The following L3MBTL4 variants were observed in gnomAD, a reference collection of about 807,000 sequenced individuals.
L3MBTL4 encodes lethal(3)malignant brain tumor-like protein 4.
Under a neutral mutation model 84.5 loss-of-function variants are expected in L3MBTL4, and 70 were observed. The observed-to-expected ratio is 0.83, with a 90% confidence interval of 0.68 to 1.01. The LOEUF is 1.01. Ranked by LOEUF, L3MBTL4 falls within the 50% of genes least tolerant of loss-of-function variation. The pLI is 0.00. For synonymous variants in L3MBTL4, 274 were observed against 259.8 expected, an observed-to-expected ratio of 1.05 and a Z score of -0.52; for missense variants, 715 against 754.8, an observed-to-expected ratio of 0.95 and a Z score of 0.62.
chr18:6,204,780 A>G (rs140929740), intron 12 of L3MBTL4, among the ~76,000 whole-genome samples: 68 of 152,294 alleles, frequency 4.5e-4, no homozygotes, highest in African/African-American at 1.6e-3. Context: ...GCCCTGCACT[A>G]TTACACTGAA....
At chr18:6,051,155 C>A (rs1727013980) in intron 16 of L3MBTL4, among the ~76,000 whole-genome samples, 1 of 152,154 alleles carries the variant, frequency 6.6e-6, no homozygotes, top group African/African-American at 2.4e-5. Context: ...GGTTGCCAGT[C>A]CAGAAGGATC....
At chr18:6,062,950 C>A (rs1304563628) in intron 16 of L3MBTL4, among the ~76,000 whole-genome samples, 1 of 151,652 alleles carries the variant, frequency 6.6e-6, no homozygotes, top group Admixed American at 6.6e-5. Flanking sequence ...GTAAACTGTA[C>A]CTAATATGCA....
chr18:6,295,340 C>CTATATA lies in L3MBTL4; in HGVS notation c.127+6562_127+6563insTATATA, dbSNP rs1477775190. On this transcript the variant is annotated intron_variant, in intron 4 of 18. Transcript: ENST00000317931. ...TCTCTCTCTCTCTCTCTCTCTCTCTCTCTCTCTATATATATATATATATAT... is the reference window on the plus strand; with the variant it reads ...TCTCTCTCTCTCTCTCTCTCTCTCTCTATATATCTCTCTATATATATATATATATAT... 1.1e-4 allele frequency among the ~76,000 whole-genome samples: 13 copies of CTATATA among 122,704 alleles called. No individual in the cohort carries two copies. In the East Asian group the frequency reaches 1.1e-3, roughly 11 times the overall value. 80.5% of individuals were successfully genotyped at this position (122,704 alleles called of 152,430 possible).
intron 16 of L3MBTL4, among the ~76,000 whole-genome samples, chr18:6,077,536 T>C (rs1449845112): frequency 6.6e-6 from 1 of 152,150 alleles, no homozygotes; most frequent in Admixed American, 6.5e-5. Flanking sequence ...ATGCCAAGCA[T>C]ACATATGGTG....
intron 4 of L3MBTL4, among the ~76,000 whole-genome samples, chr18:6,292,151 C>A (rs935854804): frequency 1.3e-5 from 2 of 152,126 alleles, no homozygotes; most frequent in African/African-American, 4.8e-5. Context: ...TAGCATGCAT[C>A]AATTAAAAAT....
chr18:6,165,349 C>T (rs1382356485), intron 13 of L3MBTL4, among the ~76,000 whole-genome samples: 5 of 151,968 alleles, frequency 3.3e-5, no homozygotes, highest in Non-Finnish European at 5.9e-5. Flanking sequence ...AGATACTCCT[C>T]GAGAAGAGCA....
intron 16 of L3MBTL4, chr18:6,030,498 ACT>A: frequency 1.1e-6 from 1 of 949,158 alleles, no homozygotes; most frequent in African/African-American, 1.9e-5. Context: ...TAATGAAGAG[ACT>A]CTTTTTTTTT....
intron 1 of L3MBTL4, among the ~76,000 whole-genome samples, chr18:6,322,003 A>C (rs553368826): frequency 6.6e-6 from 1 of 152,278 alleles, no homozygotes; most frequent in Non-Finnish European, 1.5e-5. Context: ...ACCACTATAC[A>C]ATTTATCCAG....
chr18:6,091,428 T>G (rs1458421918), intron 15 of L3MBTL4, among the ~76,000 whole-genome samples: 1 of 152,216 alleles, frequency 6.6e-6, no homozygotes, highest in African/African-American at 2.4e-5. Flanking sequence ...GGCTTGAGGA[T>G]TCATGATGTG....
At chr18:6,315,695 G>A (rs1006448011) in intron 1 of L3MBTL4, among the ~76,000 whole-genome samples, 1 of 152,124 alleles carries the variant, frequency 6.6e-6, no homozygotes, top group African/African-American at 2.4e-5. Context: ...CAGTACGCTA[G>A]CCAAATCCTT....
At chr18:6,325,285 C>G (rs575720344) in intron 1 of L3MBTL4, among the ~76,000 whole-genome samples, 1 of 152,084 alleles carries the variant, frequency 6.6e-6, no homozygotes, top group Non-Finnish European at 1.5e-5. Flanking sequence ...AAATCAACTG[C>G]GACTACATAT....
intron 13 of L3MBTL4, among the ~76,000 whole-genome samples, chr18:6,148,175 T>C (rs1273547142): frequency 1.3e-5 from 2 of 152,130 alleles, no homozygotes; most frequent in Admixed American, 6.5e-5. Context: ...GAAGAGAAAA[T>C]TGTAGATTCA....
chr18:6,286,112 G>A lies in L3MBTL4; in HGVS notation c.127+15791C>T, dbSNP rs367696606. On this transcript the variant is annotated intron_variant, in intron 4 of 18. Transcript: ENST00000317931. ...CCCAAAGTGCTGGGATTAAAGGCGTGAGCCACCATGCCCGGCCTGAACTTT... is the reference window on the plus strand; with the variant it reads ...CCCAAAGTGCTGGGATTAAAGGCGTAAGCCACCATGCCCGGCCTGAACTTT... Among the ~76,000 whole-genome samples, 193 of 151,818 alleles carry A rather than the reference G, an allele frequency of 1.3e-3. 1 individual carries two copies. The South Asian group carries it at 0.015, about 12-fold the overall frequency.
chr18:6,362,668 A>C (rs931797320), intron 1 of L3MBTL4, among the ~76,000 whole-genome samples: 6 of 152,238 alleles, frequency 3.9e-5, no homozygotes, highest in African/African-American at 1.4e-4. Flanking sequence ...TCTGACTTTA[A>C]AATGTGCACT....
At chr18:6,215,031 A>G (rs1462849747) in intron 11 of L3MBTL4, among the ~76,000 whole-genome samples, 1 of 152,156 alleles carries the variant, frequency 6.6e-6, no homozygotes, top group Non-Finnish European at 1.5e-5. Context: ...ATGAAATATC[A>G]TTTTGTTTCA....
intron 1 of L3MBTL4, among the ~76,000 whole-genome samples, chr18:6,361,630 C>T (rs1400491118): frequency 6.6e-6 from 1 of 152,124 alleles, no homozygotes; most frequent in Non-Finnish European, 1.5e-5. Flanking sequence ...AACCAGACTG[C>T]AGTGGGAAAG....
At chr18:6,310,666 T>C (rs935090339) in intron 3 of L3MBTL4, among the ~76,000 whole-genome samples, 15 of 152,176 alleles carry the variant, frequency 9.9e-5, no homozygotes, top group African/African-American at 3.6e-4. Context: ...GGGTCACAGA[T>C]GAGAATGCTG....
chr18:6,095,363 T>G (rs2058601592), intron 14 of L3MBTL4, among the ~76,000 whole-genome samples: 3 of 149,904 alleles, frequency 2.0e-5, no homozygotes, highest in Non-Finnish European at 4.4e-5. Context: ...TTTTTTTTTT[T>G]TTGAGATGGA....
chr18:6,398,745 G>C (rs926579154), intron 1 of L3MBTL4, among the ~76,000 whole-genome samples: 1 of 150,694 alleles, frequency 6.6e-6, no homozygotes, highest in Non-Finnish European at 1.5e-5. Context: ...CTTCATTGCG[G>C]GGGGGCGGGG....
Sources: gnomAD v4.1 joint callset for allele counts (sites outside exome capture counted in the v4.1 genomes callset) on GRCh38, gnomAD v4.1.1 for gene constraint, MANE v1.5 for transcripts, NCBI Gene and HGNC (gene_info 2026-07-23, HGNC 2026-07-21) for gene names.